The following ALCAM variants were observed in gnomAD, a reference collection of about 807,000 sequenced individuals.
ALCAM encodes the protein CD166 antigen.
In ALCAM, 30 loss-of-function variants were observed where a neutral mutation model predicts 70.9. The observed-to-expected ratio is 0.42, with a 90% CI of 0.32 to 0.57. The LOEUF (loss-of-function observed/expected upper bound fraction) is 0.57, where lower values mean the gene tolerates loss of function less well. ALCAM is among the 20% of genes least tolerant of loss of function. The pLI is 0.11. For missense variants in ALCAM, 591 were observed against 695.1 expected (o/e 0.85, Z 1.68); for synonymous variants, 249 against 242.5 (o/e 1.03, Z -0.25).
chr3:105,552,692 G>C (rs1239907891), intron 14 of ALCAM, 107 bp downstream of exon 14: 29 of 1,567,752 alleles, frequency 1.8e-5, no homozygotes, highest in Non-Finnish European at 2.5e-5. Context: ...ATACAATAAG[G>C]AAGATGTATC....
chr3:105,367,946 G>A lies in ALCAM; in HGVS notation c.73+465G>A, dbSNP rs1935111357. Among the ~76,000 whole-genome samples, 3 of 152,176 alleles carry A rather than the reference G, an allele frequency of 2.0e-5. No homozygotes were observed. In the South Asian group the frequency reaches 6.2e-4, roughly 32 times the overall value. On this transcript the variant is annotated intron_variant, in intron 1 of 15. Transcript: ENST00000306107. ...AGTAACTTCCCCTTGGTGAGCCGAG[G>A]AAGGGATGGGAGGGGTAGAGAAGGA... is the stretch of plus-strand genomic sequence containing the variant.
At chr3:105,488,531 G>A (rs1938492665) in intron 1 of ALCAM, among the ~76,000 whole-genome samples, 1 of 151,878 alleles carries the variant, frequency 6.6e-6, no homozygotes, top group Non-Finnish European at 1.5e-5. Context: ...ATCTAAAGAA[G>A]AATAAATCTA....
intron 1 of ALCAM, among the ~76,000 whole-genome samples, chr3:105,486,607 T>C (rs190128416): frequency 3.3e-5 from 5 of 152,282 alleles, no homozygotes; most frequent in East Asian, 3.8e-4. Context: ...TTTCAACTTA[T>C]AAATTTTAGC....
intron 14 of ALCAM, among the ~76,000 whole-genome samples, chr3:105,558,832 T>A (rs1242217147): frequency 2.6e-5 from 4 of 152,070 alleles, no homozygotes; most frequent in Non-Finnish European, 5.9e-5. Flanking sequence ...CACTATCACA[T>A]TTATCCTCAC....
chr3:105,474,798 T>C (rs1252023915), intron 1 of ALCAM, among the ~76,000 whole-genome samples: 1 of 151,812 alleles, frequency 6.6e-6, no homozygotes, highest in Non-Finnish European at 1.5e-5. Flanking sequence ...TATAATTTAT[T>C]TATAAGAATT....
intron 4 of ALCAM, 144 bp downstream of exon 4, chr3:105,532,210 G>A (rs537597941): frequency 3.9e-5 from 27 of 699,042 alleles, no homozygotes; most frequent in Non-Finnish European, 5.7e-5. Flanking sequence ...TTATCTACAA[G>A]GCACAGAGGG....
chr3:105,496,675 A>G (rs1423235078), intron 1 of ALCAM, among the ~76,000 whole-genome samples: 2 of 152,212 alleles, frequency 1.3e-5, no homozygotes, highest in African/African-American at 4.8e-5. Flanking sequence ...TGTTAGGCAC[A>G]TTAACAGAAC....
rs115807550 is a variant in ALCAM, at chr3:105,492,371, A to C, written c.74-27696A>C. ...CACATCTAAACCAGAAATATCACCT[A>C]TGTAAATTTCAAATAGCTAAATTAA... On this transcript the variant is annotated intron_variant, in intron 1 of 15. Coordinates refer to ENST00000306107, the MANE Select transcript of ALCAM (RefSeq NM_001627.4). 2.5e-3 allele frequency among the ~76,000 whole-genome samples: 385 copies of C among 152,340 alleles called. 1 individual carries two copies. The highest frequency in any genetic ancestry group is 8.8e-3 in the African/African-American group (364 of 41,578).
chr3:105,461,963 T>TGA, intron 1 of ALCAM, among the ~76,000 whole-genome samples: 1 of 151,684 alleles, frequency 6.6e-6, no homozygotes. Flanking sequence ...AGATACACTT[T>TGA]AATTATTCTA....
chr3:105,435,783 T>G lies in ALCAM; in HGVS notation c.73+68302T>G, dbSNP rs764129481. On this transcript the variant is annotated intron_variant, in intron 1 of 15. Transcript: ENST00000306107. Reference sequence around the variant, plus strand: ...AACCTGGGAAGAAAAAGAGGTTTTTTTTTGTTTGTTTGTTTGTTTTTTTTT... The same window carrying G: ...AACCTGGGAAGAAAAAGAGGTTTTTGTTTGTTTGTTTGTTTGTTTTTTTTT... Among the ~76,000 whole-genome samples, 124 of 152,262 alleles carry G rather than the reference T, an allele frequency of 8.1e-4. 1 individual carries two copies. The highest frequency in any genetic ancestry group is 1.8e-3 in the Admixed American group (28 of 15,300).
At chr3:105,470,204 T>G (rs1159202914) in intron 1 of ALCAM, among the ~76,000 whole-genome samples, 1 of 150,130 alleles carries the variant, frequency 6.7e-6, no homozygotes. Context: ...CAGCAAATTA[T>G]GGGTGTAATT....
At chr3:105,426,577 C>T (rs1232924486) in intron 1 of ALCAM, among the ~76,000 whole-genome samples, 1 of 151,792 alleles carries the variant, frequency 6.6e-6, no homozygotes, top group Non-Finnish European at 1.5e-5. Context: ...AGTAGTCATC[C>T]TGCTGTGCAA....
intron 1 of ALCAM, among the ~76,000 whole-genome samples, chr3:105,472,931 G>A (rs1384402139): frequency 1.3e-5 from 2 of 151,468 alleles, no homozygotes; most frequent in Non-Finnish European, 3.0e-5. Flanking sequence ...TAGTGGTGCT[G>A]TGTGTATATA....
At chr3:105,516,502 G>A (rs773283945) in intron 1 of ALCAM, among the ~76,000 whole-genome samples, 11 of 151,814 alleles carry the variant, frequency 7.2e-5, no homozygotes, top group African/African-American at 1.5e-4. Flanking sequence ...TGTGCTCACC[G>A]CATTGAATTT....
intron 1 of ALCAM, among the ~76,000 whole-genome samples, chr3:105,474,639 TA>T (rs1938046380): frequency 6.6e-6 from 1 of 151,800 alleles, no homozygotes; most frequent in South Asian, 2.1e-4. Context: ...AAAGAAGCTT[TA>T]TTATCATTTT....
intron 6 of ALCAM, among the ~76,000 whole-genome samples, chr3:105,538,519 C>T (rs1479477339): frequency 2.0e-5 from 3 of 152,054 alleles, no homozygotes; most frequent in Non-Finnish European, 4.4e-5. Context: ...TAATACAAAG[C>T]GGAGCCTATT....
intron 1 of ALCAM, among the ~76,000 whole-genome samples, chr3:105,501,286 AT>A (rs1373906356): frequency 1.3e-5 from 2 of 152,204 alleles, no homozygotes; most frequent in East Asian, 1.9e-4. Context: ...TGTTTAGTAT[AT>A]TGGCAAGTCG....
At chr3:105,429,033 G>T (rs889289067) in intron 1 of ALCAM, among the ~76,000 whole-genome samples, 1 of 151,832 alleles carries the variant, frequency 6.6e-6, no homozygotes, top group African/African-American at 2.4e-5. Context: ...AAAACCTATG[G>T]TCAGAATCAA....
At chr3:105,410,235 G>A (rs1005895556) in intron 1 of ALCAM, among the ~76,000 whole-genome samples, 4 of 151,998 alleles carry the variant, frequency 2.6e-5, no homozygotes, top group Non-Finnish European at 5.9e-5. Context: ...CTCCAAGATT[G>A]CCAATATGGG....
Sources: allele counts gnomAD v4.1 joint callset (sites outside exome capture counted in the v4.1 genomes callset), GRCh38; gene constraint gnomAD v4.1.1; transcripts MANE v1.5; gene names NCBI Gene and HGNC (gene_info 2026-07-23, HGNC 2026-07-21).